Variants in FXR2 observed in about 807,000 individuals in gnomAD.
FXR2 encodes FMR1 autosomal homolog 2.
Under a neutral mutation model 87.3 loss-of-function variants are expected in FXR2, and 9 were observed. The ratio of observed to expected loss-of-function variants is 0.10; its 90% confidence interval spans 0.06 to 0.18. The LOEUF (loss-of-function observed/expected upper bound fraction) is 0.18, where lower values mean the gene tolerates loss of function less well. Ranked by LOEUF, FXR2 falls within the 10% of genes least tolerant of loss-of-function variation. The pLI is 1.00. For synonymous variants in FXR2, 331 were observed against 328.3 expected, an observed-to-expected ratio of 1.01 and a Z score of -0.09; for missense variants, 661 against 893.6, an observed-to-expected ratio of 0.74 and a Z score of 3.32.
intron 1 of FXR2, among the ~76,000 whole-genome samples, chr17:7,608,930 G>A (rs932861734): frequency 6.6e-6 from 1 of 152,120 alleles, no homozygotes; most frequent in Non-Finnish European, 1.5e-5. Flanking sequence ...ACAACACAGG[G>A]AAACCTCATC....
rs1435323487 is a variant in FXR2 at position 7,592,149 on chromosome 17, C to G, written c.1926+105G>C. 3.9e-6 allele frequency: 6 copies of G among 1,544,700 alleles called. No individual in the cohort carries two copies. The highest frequency in any genetic ancestry group is 5.2e-6 in the Non-Finnish European group (6 of 1,143,130). On this transcript the variant is annotated intron_variant, in intron 16 of 16. Coordinates refer to ENST00000250113, the MANE Select transcript of FXR2 (RefSeq NM_004860.4). This position sits in a 1 kb window ranked among gnomAD's most constrained non-coding sequence, Gnocchi z 4.8. ...ACACTGGTCTAAACTCCATCAGACA[C>G]AGCTGCCTCTGCAATTCAGTAGGAG...
In FXR2 at chr17:7,603,867, G is replaced by A. The variant is rs2071780174; in HGVS notation, c.339C>T (p.Tyr113=). Residue 113 remains tyrosine, a synonymous_variant, in exon 5 of 17, where the codon TAC becomes TAT. Coordinates refer to ENST00000250113, the MANE Select transcript of FXR2 (RefSeq NM_004860.4). ...GTCGCTCCAGGGTAACAATTTCATT[G>A]TAGGTGGCATCACAGGCAGCATATT... is the stretch of plus-strand genomic sequence containing the variant. ...VIEYAACDAT[Y]NEIVTLERLR... is the part of the protein sequence containing the mutation. 2 of 1,613,870 alleles carry A rather than the reference G, an allele frequency of 1.2e-6. No individual in the cohort carries two copies. Among genetic ancestry groups the A allele is most frequent in the Non-Finnish European group, 8.5e-7 (1 of 1,179,880 alleles).
intron 6 of FXR2, 130 bp from the exon 7 acceptor site, chr17:7,601,655 G>A (rs1260577083): frequency 6.3e-6 from 4 of 633,784 alleles, no homozygotes; most frequent in African/African-American, 3.6e-5. Context: ...GAGACCGGGC[G>A]CGGTGGCTCA....
At chr17:7,610,789 G>A (rs1190137864) in intron 1 of FXR2, among the ~76,000 whole-genome samples, 1 of 152,220 alleles carries the variant, frequency 6.6e-6, no homozygotes. Context: ...GAGCCACCTA[G>A]ATCCAGAGGA....
intron 6 of FXR2, among the ~76,000 whole-genome samples, chr17:7,602,517 G>A (rs1319415932): frequency 1.3e-5 from 2 of 151,888 alleles, no homozygotes; most frequent in Admixed American, 1.3e-4. Context: ...GCAGTGAGCC[G>A]AGATCGCGCC....
At chr17:7,610,011 T>C (rs1265058324) in intron 1 of FXR2, among the ~76,000 whole-genome samples, 43 of 140,510 alleles carry the variant, frequency 3.1e-4, no homozygotes, top group African/African-American at 4.4e-4. Context: ...TATACATATA[T>C]ATATACATGT....
At chr17:7,606,221 T>C in intron 1 of FXR2, 72 bp from the exon 2 acceptor site, 1 of 967,312 alleles carries the variant, frequency 1.0e-6, no homozygotes, top group Non-Finnish European at 1.6e-6. Context: ...ATCAAGGGAA[T>C]AAGACACCAC....
chr17:7,601,486 C>T lies in FXR2; in HGVS notation c.583G>A (p.Gly195Ser). 1 of 1,613,126 alleles carries T rather than the reference C, an allele frequency of 6.2e-7. No homozygotes were observed. The highest frequency in any genetic ancestry group is 1.3e-5 in the African/African-American group (1 of 74,980). The change falls in exon 7 of 17, where the codon GGT (glycine) becomes AGT (serine). Residue 195 changes from glycine (G) to serine (S), a missense_variant. By Grantham distance (56) the Gly-to-Ser change is moderately conservative. This residue lies in a region of FXR2 where 170 missense variants were observed against 247.2 expected (regional missense o/e 0.69). Transcript: ENST00000250113. ...EAPVKRASLL[G>S]DMHFRSLRTK... ...CGCAGGCTTCGGAAATGCATATCAC[C>T]CAGCAGAGATGCTCGCTTCACAGGG...
At chr17:7,609,965 CAT>C (rs1340338930) in intron 1 of FXR2, among the ~76,000 whole-genome samples, 12 of 94,448 alleles carry the variant, frequency 1.3e-4, no homozygotes, top group Non-Finnish European at 2.3e-4. Flanking sequence ...CATATATATA[CAT>C]GTATATGTAT....
In FXR2 at chr17:7,601,448, T is replaced by C. The variant is rs2071754973; in HGVS notation, c.621A>G (p.Leu207=). The C allele has an allele frequency of 1.2e-6, 2 of 1,612,558 alleles. No individual in the cohort carries two copies. Among genetic ancestry groups the C allele is most frequent in the Non-Finnish European group, 1.7e-6 (2 of 1,178,730 alleles). The change falls in exon 7 of 17, where the codon CTA becomes CTG. Residue 207 remains leucine, a synonymous_variant. Coordinates refer to ENST00000250113, the MANE Select transcript of FXR2 (RefSeq NM_004860.4). Reference sequence around the variant, plus strand: ...TAGCTTCTTCATTGCGGGACATAAGTAGCAGTTTGGTGCGCAGGCTTCGGA... The same window carrying C: ...TAGCTTCTTCATTGCGGGACATAAGCAGCAGTTTGGTGCGCAGGCTTCGGA... ...MHFRSLRTKL[L]LMSRNEEATK...
intron 7 of FXR2, among the ~76,000 whole-genome samples, chr17:7,597,172 C>T (rs2071714134): frequency 6.6e-6 from 1 of 152,148 alleles, no homozygotes; most frequent in Non-Finnish European, 1.5e-5. Flanking sequence ...ATTTCTCAAT[C>T]AGTCCTTAGA....
At chr17:7,610,262 T>C (rs1668359553) in intron 1 of FXR2, among the ~76,000 whole-genome samples, 1 of 151,976 alleles carries the variant, frequency 6.6e-6, no homozygotes, top group Admixed American at 6.6e-5. Flanking sequence ...GCCTTAGAAG[T>C]AGTTTATCAA....
intron 2 of FXR2, 50 bp from the exon 3 acceptor site, chr17:7,605,788 C>T (rs1172956867): frequency 1.9e-6 from 2 of 1,067,172 alleles, no homozygotes; most frequent in East Asian, 2.5e-5. Context: ...GATATGGTTG[C>T]CCATTTCTTT....
Position 7,592,197 on chromosome 17 carries a change from C to A in FXR2, c.1926+57G>T. 6.5e-7 allele frequency: 1 copy of A among 1,545,232 alleles called. No individual in the cohort carries two copies. Among genetic ancestry groups the A allele is most frequent in the Non-Finnish European group, 8.9e-7 (1 of 1,126,042 alleles). On this transcript the variant is annotated intron_variant, in intron 16 of 16. Transcript: ENST00000250113. The surrounding 1 kb of genome is among the most constrained non-coding windows in gnomAD (Gnocchi z 4.8). ...GAGATTTGTGAAATTTTTTGTGCCC[C>A]CTGCCCCAGAGTAACAACAAAAAAG...
At chr17:7,603,146 A>G (rs1177193663) in intron 5 of FXR2, 144 bp from the exon 6 acceptor site, 2 of 558,212 alleles carry the variant, frequency 3.6e-6, no homozygotes, top group Non-Finnish European at 6.4e-6. Context: ...CAGGAGTTCA[A>G]GACTAGCATG....
intron 1 of FXR2, chr17:7,613,821 G>C (rs2071900774): frequency 3.5e-5 from 12 of 345,840 alleles, no homozygotes; most frequent in South Asian, 2.7e-4. Context: ...AGAGACTTGC[G>C]AAAGATGCCA....
intron 5 of FXR2, 43 bp downstream of exon 5, chr17:7,603,714 G>A (rs368337337): frequency 1.3e-6 from 2 of 1,595,518 alleles, no homozygotes; most frequent in Non-Finnish European, 1.7e-6. Context: ...CAGAGATTAG[G>A]GCTGTAAAGA....
At position 7,593,848 on chromosome 17, in the gene FXR2, C is replaced by T. The variant is rs115303112; in HGVS notation, c.1107+70G>A. 1,922 of 1,045,892 alleles carry T rather than the reference C, an allele frequency of 1.8e-3. 33 individuals carry two copies. The African/African-American group carries it at 0.028, about 15-fold the overall frequency. The allele number at this position is 1,045,892 out of a possible 1,614,324, so 64.8% of individuals were successfully genotyped here. A position where few individuals can be genotyped will look rare whatever the true frequency, so the allele number is the denominator to read the frequency against. On this transcript the variant is annotated intron_variant, in intron 11 of 16. Coordinates refer to ENST00000250113, the MANE Select transcript of FXR2 (RefSeq NM_004860.4). This position sits in a 1 kb window ranked among gnomAD's most constrained non-coding sequence, Gnocchi z 6.1. ...AGAGACAAACAGAGAACCAAAATCC[C>T]TGAGCTGACCCCCACAGCAGTCTTA...
chr17:7,605,822 G>T, intron 2 of FXR2, 84 bp from the exon 3 acceptor site: 1 of 823,908 alleles, frequency 1.2e-6, no homozygotes, highest in South Asian at 1.5e-5. Flanking sequence ...TGCCTCAGCT[G>T]GGCGAGTTCC....
Sources: gnomAD v4.1 joint callset for allele counts (sites outside exome capture counted in the v4.1 genomes callset) on GRCh38, gnomAD v4.1.1 for gene constraint, gnomAD v4.1.1 regional missense constraint, Gnocchi (gnomAD v3.1) non-coding constraint, MANE v1.5 for transcripts, NCBI Gene and HGNC (gene_info 2026-07-23, HGNC 2026-07-21) for gene names.